The following DRC11 variants were observed in gnomAD, a reference collection of about 807,000 sequenced individuals.
DRC11 encodes dynein regulatory complex subunit 11.
At chr2:236,394,041 T>C in the DRC11 span, among the ~76,000 whole-genome samples, 1 of 151,988 alleles carries the variant, frequency 6.6e-6, no homozygotes, top group African/African-American at 2.4e-5. The surrounding 1 kb of genome is among the most constrained non-coding windows in gnomAD (Gnocchi z 7.0). Flanking sequence ...TATAAATAAA[T>C]ATATACAGTT....
chr2:236,364,312 T>TTTTTTA, the DRC11 span, among the ~76,000 whole-genome samples: 1 of 149,728 alleles, frequency 6.7e-6, no homozygotes, highest in South Asian at 2.1e-4. Flanking sequence ...TTTTTTTTTT[T>TTTTTTA]GAGTGCTTTC....
At chr2:236,354,716 G>A in the DRC11 span, among the ~76,000 whole-genome samples, 3 of 152,146 alleles carry the variant, frequency 2.0e-5, no homozygotes, top group Non-Finnish European at 2.9e-5. Flanking sequence ...CAACACCTGC[G>A]GATGCCACTC....
the DRC11 span, among the ~76,000 whole-genome samples, chr2:236,461,187 A>G: frequency 6.6e-6 from 1 of 152,212 alleles, no homozygotes; most frequent in Admixed American, 6.5e-5. The surrounding 1 kb of genome is among the most constrained non-coding windows in gnomAD (Gnocchi z 4.0). Flanking sequence ...ATTAGATTTT[A>G]CCCTGGCTGT....
chr2:236,476,804 A>C, the DRC11 span, among the ~76,000 whole-genome samples: 1 of 152,034 alleles, frequency 6.6e-6, no homozygotes, highest in Non-Finnish European at 1.5e-5. The surrounding 1 kb of genome is among the most constrained non-coding windows in gnomAD (Gnocchi z 4.7). Context: ...TTACATAGGT[A>C]AATGTGTGCC....
At chr2:236,443,066 T>G in the DRC11 span, among the ~76,000 whole-genome samples, 1 of 152,228 alleles carries the variant, frequency 6.6e-6, no homozygotes, top group African/African-American at 2.4e-5. The surrounding 1 kb of genome is among the most constrained non-coding windows in gnomAD (Gnocchi z 4.4). Context: ...TAAGCACTGC[T>G]GATTTTGTCA....
At chr2:236,397,634 C>A in the DRC11 span, among the ~76,000 whole-genome samples, 1 of 152,174 alleles carries the variant, frequency 6.6e-6, no homozygotes, top group Non-Finnish European at 1.5e-5. This position sits in a 1 kb window ranked among gnomAD's most constrained non-coding sequence, Gnocchi z 5.0. Context: ...AGTACCAAAC[C>A]AGTGAGGGTG....
chr2:236,379,984 C>T, the DRC11 span, among the ~76,000 whole-genome samples: 3 of 152,242 alleles, frequency 2.0e-5, no homozygotes, highest in Non-Finnish European at 4.4e-5. Context: ...AAATTACTTC[C>T]CACATTATTA....
the DRC11 span, among the ~76,000 whole-genome samples, chr2:236,327,535 G>A: frequency 3.3e-5 from 5 of 149,608 alleles, no homozygotes; most frequent in Non-Finnish European, 5.9e-5. Flanking sequence ...ATGAGCCACC[G>A]TGTTCAGCCA....
At chr2:236,491,202 A>ACACACACAG in the DRC11 span, among the ~76,000 whole-genome samples, 2 of 59,724 alleles carry the variant, frequency 3.3e-5, no homozygotes, top group African/African-American at 1.5e-4. Flanking sequence ...ATATATATAT[A>ACACACACAG]TATATATATA....
chr2:236,486,093 G>A, the DRC11 span, among the ~76,000 whole-genome samples: 2 of 152,300 alleles, frequency 1.3e-5, no homozygotes, highest in East Asian at 1.9e-4. This position sits in a 1 kb window ranked among gnomAD's most constrained non-coding sequence, Gnocchi z 5.7. Context: ...TGGCTTAGAC[G>A]AAGCCAGCTG....
chr2:236,482,572 A>G, the DRC11 span, among the ~76,000 whole-genome samples: 1 of 152,322 alleles, frequency 6.6e-6, no homozygotes. The surrounding 1 kb of genome is among the most constrained non-coding windows in gnomAD (Gnocchi z 4.5). Flanking sequence ...TATTTTGCTA[A>G]TAAGACAGAC....
the DRC11 span, among the ~76,000 whole-genome samples, chr2:236,347,392 T>C: frequency 2.6e-5 from 4 of 151,920 alleles, no homozygotes; most frequent in African/African-American, 9.6e-5. Flanking sequence ...GAGGAAAAGA[T>C]ACAAAAATGA....
At chr2:236,399,992 T>C in the DRC11 span, among the ~76,000 whole-genome samples, 5 of 152,140 alleles carry the variant, frequency 3.3e-5, no homozygotes, top group Admixed American at 6.5e-5. This position sits in a 1 kb window ranked among gnomAD's most constrained non-coding sequence, Gnocchi z 7.0. Context: ...GTTGGGATTA[T>C]AGGCCTGAGC....
At chr2:236,378,608 C>T in the DRC11 span, among the ~76,000 whole-genome samples, 1 of 148,724 alleles carries the variant, frequency 6.7e-6, no homozygotes, top group East Asian at 2.0e-4. Context: ...ACCAGAGGCA[C>T]AGGTTGCAGT....
the DRC11 span, among the ~76,000 whole-genome samples, chr2:236,342,611 C>A: frequency 1.3e-5 from 2 of 152,172 alleles, no homozygotes; most frequent in Non-Finnish European, 2.9e-5. The surrounding 1 kb of genome is among the most constrained non-coding windows in gnomAD (Gnocchi z 5.8). Flanking sequence ...CATCACTGCA[C>A]GGTGCAGGCC....
chr2:236,441,146 A>C, the DRC11 span: 1 of 1,480,686 alleles, frequency 6.8e-7, no homozygotes, highest in East Asian at 2.5e-5. Context: ...AAAATAGCAA[A>C]TTAAAATGGA....
At chr2:236,449,572 G>A in the DRC11 span, among the ~76,000 whole-genome samples, 3 of 152,212 alleles carry the variant, frequency 2.0e-5, no homozygotes, top group African/African-American at 7.2e-5. This position sits in a 1 kb window ranked among gnomAD's most constrained non-coding sequence, Gnocchi z 5.1. Context: ...CACTGTCGGA[G>A]GCTGTGTGCC....
chr2:236,357,523 T>C, the DRC11 span, among the ~76,000 whole-genome samples: 33 of 127,498 alleles, frequency 2.6e-4, no homozygotes, highest in Admixed American at 1.3e-3. Flanking sequence ...AATATATTTA[T>C]ATATTATGAA....
the DRC11 span, among the ~76,000 whole-genome samples, chr2:236,494,593 C>T: frequency 6.6e-6 from 1 of 152,136 alleles, no homozygotes; most frequent in African/African-American, 2.4e-5. This position sits in a 1 kb window ranked among gnomAD's most constrained non-coding sequence, Gnocchi z 4.2. Flanking sequence ...TCTGTCAGAC[C>T]TGCCTGGCTG....
Sources: allele counts gnomAD v4.1 joint callset (sites outside exome capture counted in the v4.1 genomes callset), GRCh38; gene constraint gnomAD v4.1.1; non-coding constraint Gnocchi (gnomAD v3.1); transcripts MANE v1.5; gene names NCBI Gene and HGNC (gene_info 2026-07-23, HGNC 2026-07-21).